PLCE1: variants seen among roughly 807,000 people sequenced by gnomAD.
The protein encoded by PLCE1 is phospholipase C epsilon 1.
In PLCE1, 119 loss-of-function variants were observed where a neutral mutation model predicts 242.8. The observed-to-expected ratio is 0.49, with a 90% CI of 0.42 to 0.57. The LOEUF (loss-of-function observed/expected upper bound fraction) is 0.57. Ranked by LOEUF, PLCE1 falls within the 20% of genes least tolerant of loss-of-function variation. PLCE1 has a pLI of 0.00. For missense variants in PLCE1, 2,441 were observed against 2,788.8 expected (o/e 0.88, Z 2.81); for synonymous variants, 945 against 1,017.4 (o/e 0.93, Z 1.35).
intron 19 of PLCE1, 66 bp from the exon 20 acceptor site, chr10:94,279,714 AGT>A: frequency 6.6e-7 from 1 of 1,513,634 alleles, no homozygotes; most frequent in South Asian, 1.1e-5. Context: ...CATCAGGGGT[AGT>A]TTTAAAGGTT....
intron 15 of PLCE1, 29 bp from the exon 16 acceptor site, chr10:94,265,764 G>T: frequency 6.2e-7 from 1 of 1,613,654 alleles, no homozygotes; most frequent in Non-Finnish European, 8.5e-7. Context: ...TTTTTCCCAT[G>T]CAGTCTTAAG....
intron 2 of PLCE1, among the ~76,000 whole-genome samples, chr10:94,037,643 T>A (rs1055288861): frequency 6.6e-6 from 1 of 152,176 alleles, no homozygotes; most frequent in Non-Finnish European, 1.5e-5. Flanking sequence ...TCCAGCTTCC[T>A]CTCAGCTCCT....
At chr10:94,255,906 ACACACACACTCTCTCTCTCTCT>A (rs1186420445) in intron 11 of PLCE1, among the ~76,000 whole-genome samples, 2 of 98,524 alleles carry the variant, frequency 2.0e-5, no homozygotes, top group African/African-American at 8.3e-5. Flanking sequence ...ACACACACAC[ACACACACACTCTCTCTCTCTCT>A]CTCTCTCTCT....
chr10:94,157,129 T>C (rs1464793168), intron 3 of PLCE1, among the ~76,000 whole-genome samples: 1 of 152,106 alleles, frequency 6.6e-6, no homozygotes, highest in Non-Finnish European at 1.5e-5. Flanking sequence ...TATTTTCTTT[T>C]TATTATGGTG....
rs2061542214 is a variant in PLCE1, at chr10:94,030,786, T to C, written c.-261T>C. Reference sequence around the variant, plus strand: ...AGTAAAAGTCTTCAAAAAATTTTGCTTCAGGTAACAGAGGAAGGAAAATTG... The same window carrying C: ...AGTAAAAGTCTTCAAAAAATTTTGCCTCAGGTAACAGAGGAAGGAAAATTG... On this transcript the variant is annotated 5_prime_UTR_variant, in exon 2 of 33. Coordinates refer to ENST00000371380, the MANE Select transcript of PLCE1 (RefSeq NM_016341.4). 4 of 483,146 alleles carry C rather than the reference T, an allele frequency of 8.3e-6. No homozygotes were observed. The highest frequency in any genetic ancestry group is 1.5e-5 in the Non-Finnish European group (4 of 269,602). 29.9% of individuals were successfully genotyped at this position (483,146 alleles called of 1,614,324 possible). A position where few individuals can be genotyped will look rare whatever the true frequency, so the allele number is the denominator to read the frequency against.
intron 25 of PLCE1, 37 bp downstream of exon 25, chr10:94,304,682 G>A (rs893905850): frequency 1.9e-6 from 3 of 1,605,142 alleles, no homozygotes; most frequent in Non-Finnish European, 2.6e-6. Flanking sequence ...ATAAGGTCGG[G>A]TTTAAGCCTT....
chr10:94,161,634 G>A (rs1335777722), intron 3 of PLCE1, among the ~76,000 whole-genome samples: 2 of 152,104 alleles, frequency 1.3e-5, no homozygotes, highest in Non-Finnish European at 2.9e-5. Context: ...TTTCCTAACT[G>A]AATACCCTTT....
chr10:94,138,537 A>G, intron 3 of PLCE1: 1 of 478,300 alleles, frequency 2.1e-6, no homozygotes. Context: ...GTGGTCATAC[A>G]GTGTGACTCA....
Position 94,171,351 on chromosome 10 carries a change from A to G in PLCE1, c.1664A>G (p.Tyr555Cys). 2 of 1,614,148 alleles carry G rather than the reference A, an allele frequency of 1.2e-6. No individual in the cohort carries two copies. The highest frequency in any genetic ancestry group is 1.7e-6 in the Non-Finnish European group (2 of 1,180,018). Residue 555 changes from tyrosine (Y) to cysteine (C), a missense_variant, in exon 4 of 33, where the codon TAC becomes TGC. Around this residue, in one of 5 missense-constraint regions of PLCE1, gnomAD observed 733 missense variants for 754.2 expected, o/e 0.97. Transcript: ENST00000371380. The part of the protein sequence containing the change: ...TIYRRVLPVD[Y>C]LCFLTRDLGT... Reference sequence around the variant, plus strand: ...TACCGCAGGGTCTTGCCAGTCGACTACCTTTGCTTCTTAACACGGGACTTG... The same window carrying G: ...TACCGCAGGGTCTTGCCAGTCGACTGCCTTTGCTTCTTAACACGGGACTTG...
intron 2 of PLCE1, chr10:94,082,113 T>G (rs902399572): frequency 2.0e-5 from 3 of 152,176 alleles, no homozygotes; most frequent in Admixed American, 6.5e-5. Flanking sequence ...ATCTTCATAG[T>G]AAATTAACAT....
chr10:94,071,265 A>G (rs1392031326), intron 2 of PLCE1, among the ~76,000 whole-genome samples: 2 of 152,082 alleles, frequency 1.3e-5, no homozygotes, highest in Admixed American at 6.5e-5. Context: ...CATCCTGGCT[A>G]GGAATAGTTT....
intron 4 of PLCE1, among the ~76,000 whole-genome samples, chr10:94,215,006 C>T (rs568414121): frequency 6.6e-6 from 1 of 152,290 alleles, no homozygotes; most frequent in South Asian, 2.1e-4. Context: ...ATGAGAAACC[C>T]ACCACACTCT....
At chr10:94,227,171 C>T in intron 4 of PLCE1, 135 bp from the exon 5 acceptor site, 1 of 810,254 alleles carries the variant, frequency 1.2e-6, no homozygotes, top group Admixed American at 2.0e-5. Flanking sequence ...ACCACCACGC[C>T]CAGCCAGGAC....
intron 11 of PLCE1, among the ~76,000 whole-genome samples, chr10:94,256,323 CAAAA>C (rs1316929334): frequency 5.3e-5 from 3 of 56,280 alleles, no homozygotes; most frequent in Admixed American, 4.0e-4. Flanking sequence ...GAGCTTGTCT[CAAAA>C]AAAAAAAAAA....
chr10:94,128,827 G>A (rs74151057), intron 2 of PLCE1, among the ~76,000 whole-genome samples: 8,603 of 152,212 alleles, frequency 0.057, 775 homozygotes, highest in African/African-American at 0.19. Context: ...GCCAGGTGTG[G>A]TCACTAAAGA....
intron 2 of PLCE1, chr10:94,089,304 C>G: frequency 1.2e-6 from 2 of 1,613,946 alleles, no homozygotes; most frequent in South Asian, 2.2e-5. Context: ...GTTGGCTCTT[C>G]CCGCTCTCTG....
intron 4 of PLCE1, among the ~76,000 whole-genome samples, chr10:94,199,348 C>G (rs1401495134): frequency 1.3e-5 from 2 of 152,220 alleles, no homozygotes; most frequent in Non-Finnish European, 2.9e-5. Flanking sequence ...CATATCCACA[C>G]CAGCCCTTGT....
At position 94,075,486 on chromosome 10, in the gene PLCE1, C is replaced by T. The variant is rs112599732; in HGVS notation, c.1206+43234C>T. Among the ~76,000 whole-genome samples, 1,002 of 152,304 alleles carry T rather than the reference C, an allele frequency of 6.6e-3. 13 individuals are homozygous for T. The highest frequency in any genetic ancestry group is 0.023 in the African/African-American group (959 of 41,570). On this transcript the variant is annotated intron_variant, in intron 2 of 32. Transcript: ENST00000371380. ...GTAAATGTGGATTTAGGGAGTCATT[C>T]ACATTGAAAGATTGAATTCTACTGC... is the stretch of plus-strand genomic sequence containing the variant.
intron 1 of PLCE1, among the ~76,000 whole-genome samples, chr10:94,007,670 C>T (rs2061067783): frequency 6.9e-6 from 1 of 145,918 alleles, no homozygotes; most frequent in African/African-American, 2.5e-5. Flanking sequence ...GTTAAAAGCC[C>T]CCTGTTAGTC....
Sources: gnomAD v4.1 joint callset for allele counts (sites outside exome capture counted in the v4.1 genomes callset) on GRCh38, gnomAD v4.1.1 for gene constraint, gnomAD v4.1.1 regional missense constraint, MANE v1.5 for transcripts, NCBI Gene and HGNC (gene_info 2026-07-23, HGNC 2026-07-21) for gene names.